The following TNRC6C variants were observed in gnomAD, a reference collection of about 807,000 sequenced individuals.
TNRC6C encodes trinucleotide repeat containing adaptor 6C, also known as trinucleotide repeat-containing gene 6C protein.
TNRC6C carries 20 observed loss-of-function variants against 153.7 expected under a neutral mutation model. The observed-to-expected ratio is 0.13, with a 90% CI of 0.09 to 0.19. The LOEUF is 0.19. Among genes scored for constraint, TNRC6C ranks in the 10% least tolerant of loss-of-function variants. The probability of loss-of-function intolerance (pLI) is 1.00; values close to 1 mark genes in which losing one functional copy is unlikely to be tolerated. For missense variants in TNRC6C, 1,987 were observed against 2,172.0 expected, an observed-to-expected ratio of 0.91 and a Z score of 1.69; for synonymous variants, 811 against 841.4, an observed-to-expected ratio of 0.96 and a Z score of 0.63.
At chr17:78,093,265 G>A in intron 15 of TNRC6C, 141 bp downstream of exon 17, 1 of 995,706 alleles carries the variant, frequency 1.0e-6, no homozygotes, top group Non-Finnish European at 1.4e-6. Context: ...CATTTTCCTT[G>A]GAAATCCATT....
At chr17:77,966,697 A>G (rs2070899283) in intron 1 of TNRC6C, among the ~76,000 whole-genome samples, 1 of 152,230 alleles carries the variant, frequency 6.6e-6, no homozygotes, top group Non-Finnish European at 1.5e-5. Context: ...GACTCACAGC[A>G]TAAATCCAAG....
intron 1 of TNRC6C, among the ~76,000 whole-genome samples, chr17:78,009,336 G>A (rs1189980158): frequency 6.6e-6 from 1 of 151,466 alleles, no homozygotes; most frequent in Non-Finnish European, 1.5e-5. Context: ...TTTCAGTATT[G>A]TTTTCTGGGT....
chr17:78,031,643 T>A, exon 2 of TNRC6C: 1 of 1,232,456 alleles, frequency 8.1e-7, no homozygotes, highest in Non-Finnish European at 1.0e-6. Flanking sequence ...AGCAGCCAGC[T>A]GCATCCCGTT....
At position 77,969,795 on chromosome 17, in the gene TNRC6C, A is replaced by G. The variant is rs16970698; in HGVS notation, c.-38+10527A>G. ...CTTTATTTTTCCTGCCATAGCAGCA[A>G]ATTTTCCTTGGAGCACTATTTGAAA... On this transcript the variant is annotated intron_variant, in intron 1 of 22. Coordinates refer to the TNRC6C transcript ENST00000636222. Among the ~76,000 whole-genome samples the G allele has an allele frequency of 2.1e-3, 319 of 152,062 alleles. 4 individuals carry two copies. The highest frequency in any genetic ancestry group is 6.9e-3 in the African/African-American group (288 of 41,442).
At chr17:77,972,981 C>T (rs1282856446) in intron 1 of TNRC6C, among the ~76,000 whole-genome samples, 1 of 152,228 alleles carries the variant, frequency 6.6e-6, no homozygotes, top group Non-Finnish European at 1.5e-5. Flanking sequence ...TCTCGGCTCA[C>T]CACAACCTCC....
At chr17:78,025,956 A>G (rs139550552) in intron 1 of TNRC6C, among the ~76,000 whole-genome samples, 3 of 152,322 alleles carry the variant, frequency 2.0e-5, no homozygotes, top group Admixed American at 6.5e-5. Context: ...AAGGAGCCTT[A>G]GAGTGTCAGC....
At chr17:77,973,219 A>C (rs993505358) in intron 1 of TNRC6C, among the ~76,000 whole-genome samples, 1 of 152,140 alleles carries the variant, frequency 6.6e-6, no homozygotes, top group African/African-American at 2.4e-5. Context: ...ACACCATATT[A>C]ATAGATGAAG....
intron 17 of TNRC6C, among the ~76,000 whole-genome samples, 153 bp downstream of exon 20, chr17:78,098,690 A>G (rs1407688083): frequency 3.9e-5 from 6 of 152,162 alleles, no homozygotes; most frequent in African/African-American, 1.4e-4. Flanking sequence ...CTAGATGTCC[A>G]TCCAGGGCAG....
At chr17:78,015,752 A>G (rs535978798) in intron 1 of TNRC6C, among the ~76,000 whole-genome samples, 73 of 152,232 alleles carry the variant, frequency 4.8e-4, no homozygotes, top group African/African-American at 1.5e-3. Flanking sequence ...TCTCTACTAA[A>G]AGTACAAAAA....
chr17:78,065,086 C>A, intron 4 of TNRC6C, 149 bp downstream of exon 6: 1 of 942,750 alleles, frequency 1.1e-6, no homozygotes, highest in Non-Finnish European at 1.6e-6. Flanking sequence ...CAGTGCCTCA[C>A]ACCTATAATC....
At chr17:77,978,134 T>C (rs1040351845) in intron 1 of TNRC6C, among the ~76,000 whole-genome samples, 1 of 152,064 alleles carries the variant, frequency 6.6e-6, no homozygotes, top group African/African-American at 2.4e-5. Context: ...CCTGACCTTG[T>C]GATCCACCCG....
In TNRC6C at chr17:78,086,489, C is replaced by T. The variant is rs769241629; in HGVS notation, c.3478-14C>T. ...TAATTATCATACTATTTTAACTCTTCGTTCTGTCAACAGGCATACCAACGT... is the reference window on the plus strand; with the variant it reads ...TAATTATCATACTATTTTAACTCTTTGTTCTGTCAACAGGCATACCAACGT... On this transcript the variant is annotated splice_polypyrimidine_tract_variant and intron_variant, in intron 11 of 19. Coordinates refer to ENST00000301624, the Ensembl canonical transcript of TNRC6C. 2.4e-5 allele frequency: 39 copies of T among 1,611,164 alleles called. No individual in the cohort carries two copies. In the South Asian group the frequency reaches 3.2e-4, roughly 13 times the overall value.
chr17:78,082,114 CTCTT>C (rs1420191267), intron 10 of TNRC6C, among the ~76,000 whole-genome samples: 1 of 150,714 alleles, frequency 6.6e-6, no homozygotes, highest in Non-Finnish European at 1.5e-5. Flanking sequence ...TGCAACAGGG[CTCTT>C]TCTTTGTTCC....
intron 10 of TNRC6C, among the ~76,000 whole-genome samples, chr17:78,080,920 A>C (rs2073168164): frequency 6.6e-6 from 1 of 152,204 alleles, no homozygotes. Context: ...ATTATTCATA[A>C]AATTTAATTT....
Position 78,049,196 on chromosome 17 carries a change from A to G in TNRC6C, c.134A>G (p.Asn45Ser). The G allele has an allele frequency of 6.2e-7, 1 of 1,613,290 alleles. No homozygotes were observed. Among genetic ancestry groups the G allele is most frequent in the Non-Finnish European group, 8.5e-7 (1 of 1,179,564 alleles). Residue 45 changes from asparagine to serine, a missense_variant, in exon 3 of 20, where the codon AAT (asparagine) becomes AGT (serine). Coordinates refer to ENST00000301624, the Ensembl canonical transcript of TNRC6C. This position sits in a 1 kb window ranked among gnomAD's most constrained non-coding sequence, Gnocchi z 4.1. ...CTTGGAGCAGGGGGAGCGAACAGTA[A>G]TGGAAGTGCGGCCAGAGTGTGGGGT...
At chr17:77,974,766 A>G (rs949247675) in intron 1 of TNRC6C, among the ~76,000 whole-genome samples, 1 of 152,242 alleles carries the variant, frequency 6.6e-6, no homozygotes, top group Non-Finnish European at 1.5e-5. Flanking sequence ...TATGTTTCCA[A>G]GAACAAATCT....
Position 78,013,671 on chromosome 17 carries a change from A to G in TNRC6C, c.-546+8592A>G, listed in dbSNP as rs528415064. Among the ~76,000 whole-genome samples, 142 of 152,338 alleles carry G rather than the reference A, an allele frequency of 9.3e-4. 1 individual carries two copies. Among genetic ancestry groups the G allele is most frequent in the African/African-American group, 3.1e-3 (128 of 41,572 alleles). On this transcript the variant is annotated intron_variant, in intron 1 of 19. Transcript: ENST00000301624. ...GGATGGTGACTGTGTGACAGCATCA[A>G]CAAAGGAGCCCAAACTTGGCAGGAG...
At chr17:78,041,979 C>T (rs933145432) in intron 2 of TNRC6C, among the ~76,000 whole-genome samples, 3 of 152,134 alleles carry the variant, frequency 2.0e-5, no homozygotes, top group Non-Finnish European at 4.4e-5. Flanking sequence ...AATCTGATAC[C>T]TAATTAAAAT....
intron 1 of TNRC6C, among the ~76,000 whole-genome samples, chr17:78,024,695 A>G (rs902846573): frequency 2.0e-5 from 3 of 151,684 alleles, no homozygotes; most frequent in Admixed American, 6.6e-5. Context: ...TTACAAAACA[A>G]TCGAGCTGAA....
Sources: allele counts gnomAD v4.1 joint callset (sites outside exome capture counted in the v4.1 genomes callset), GRCh38; gene constraint gnomAD v4.1.1; non-coding constraint Gnocchi (gnomAD v3.1); transcripts MANE v1.5; gene names NCBI Gene and HGNC (gene_info 2026-07-23, HGNC 2026-07-21).